COL14A1: variants seen among roughly 807,000 people sequenced by gnomAD.
COL14A1 encodes the protein collagen type XIV alpha 1 chain, also known as collagen alpha-1(XIV) chain.
In COL14A1, 136 loss-of-function variants were observed where a neutral mutation model predicts 230.3. That is an observed-to-expected ratio of 0.59 (90% CI 0.51 to 0.68). The LOEUF (loss-of-function observed/expected upper bound fraction) is 0.68, where lower values mean the gene tolerates loss of function less well. Among genes scored for constraint, COL14A1 ranks in the 30% least tolerant of loss-of-function variants. The pLI is 0.00. For missense variants in COL14A1, 1,976 were observed against 2,215.8 expected, an observed-to-expected ratio of 0.89 and a Z score of 2.17; for synonymous variants, 792 against 784.1, an observed-to-expected ratio of 1.01 and a Z score of -0.17.
In COL14A1 at chr8:120,255,370, A is replaced by G; in HGVS notation, c.2869+14A>G. ...AATCCCTCCAGGGTGAGTACAATCC[A>G]TCACTTACGTTTTTGTCAAGCATTT... On this transcript the variant is annotated intron_variant, in intron 23 of 47. Coordinates refer to ENST00000297848, the MANE Select transcript of COL14A1 (RefSeq NM_021110.4). 1.3e-6 allele frequency: 2 copies of G among 1,572,606 alleles called. No individual in the cohort carries two copies. Among genetic ancestry groups the G allele is most frequent in the African/African-American group, 2.7e-5 (2 of 74,180 alleles).
chr8:120,311,130 T>A (rs1821021602), intron 37 of COL14A1, among the ~76,000 whole-genome samples: 1 of 152,156 alleles, frequency 6.6e-6, no homozygotes, highest in South Asian at 2.1e-4. Context: ...TACTACCCAA[T>A]CCAAAATTCA....
intron 38 of COL14A1, among the ~76,000 whole-genome samples, chr8:120,315,168 G>A (rs1242698226): frequency 2.0e-5 from 3 of 152,070 alleles, no homozygotes; most frequent in African/African-American, 7.2e-5. Context: ...TCAGGAGCTT[G>A]AGACTAGCCT....
intron 26 of COL14A1, among the ~76,000 whole-genome samples, chr8:120,272,119 G>C (rs1354002265): frequency 6.6e-6 from 1 of 151,706 alleles, no homozygotes; most frequent in Non-Finnish European, 1.5e-5. Context: ...TTACAAGACA[G>C]GAGAGATTAG....
chr8:120,169,765 ACTTTT>A (rs1305729024), intron 5 of COL14A1, among the ~76,000 whole-genome samples: 1 of 151,996 alleles, frequency 6.6e-6, no homozygotes, highest in Non-Finnish European at 1.5e-5. Flanking sequence ...ACATTTTCAT[ACTTTT>A]CTTCTAATGA....
intron 1 of COL14A1, among the ~76,000 whole-genome samples, chr8:120,131,522 C>T (rs117404555): frequency 7.2e-5 from 11 of 152,070 alleles, no homozygotes; most frequent in Middle Eastern, 3.4e-3. Context: ...GAGAAATATC[C>T]GCTCATGCCC....
chr8:120,260,487 C>T (rs976104572), intron 23 of COL14A1, among the ~76,000 whole-genome samples: 2 of 152,002 alleles, frequency 1.3e-5, no homozygotes, highest in African/African-American at 2.4e-5. Context: ...TTTGAAGGAG[C>T]GGATAGTTCT....
At chr8:120,166,722 A>G (rs912173867) in intron 4 of COL14A1, among the ~76,000 whole-genome samples, 60 of 152,192 alleles carry the variant, frequency 3.9e-4, no homozygotes, top group African/African-American at 1.3e-3. Flanking sequence ...AAATTACAGG[A>G]GGGTGTAGAG....
At position 120,298,600 on chromosome 8, in the gene COL14A1, TATATATA is replaced by T. The variant is rs1820604159; in HGVS notation, c.4314+1013_4314+1019del. ...GATGTGTGTATACCCATATATTTTA[TATATATA>T]TATATATATATATATATATATATAT... On this transcript the variant is annotated intron_variant, in intron 35 of 47. Coordinates refer to ENST00000297848, the MANE Select transcript of COL14A1 (RefSeq NM_021110.4). 1.3e-4 allele frequency among the ~76,000 whole-genome samples: 5 copies of T among 38,934 alleles called. 1 individual carries two copies. Among genetic ancestry groups the T allele is most frequent in the South Asian group, 7.7e-4 (1 of 1,306 alleles). The allele number at this position is 38,934 out of a possible 152,430, so 25.5% of individuals were successfully genotyped here. A position where few individuals can be genotyped will look rare whatever the true frequency, so the allele number is the denominator to read the frequency against.
intron 34 of COL14A1, among the ~76,000 whole-genome samples, chr8:120,293,551 T>G (rs1047199083): frequency 2.0e-5 from 3 of 151,836 alleles, no homozygotes; most frequent in African/African-American, 7.2e-5. Flanking sequence ...ATAGAGAAAC[T>G]GAGACTTTAA....
At position 120,168,215 on chromosome 8, in the gene COL14A1, G is replaced by C. The variant is rs765893160; in HGVS notation, c.404G>C (p.Arg135Thr). 62 of 1,612,432 alleles carry C rather than the reference G, an allele frequency of 3.8e-5. No individual in the cohort carries two copies. The highest frequency in any genetic ancestry group is 5.3e-5 in the Non-Finnish European group (62 of 1,179,110). ...AAGCCCAGAGTCAAAGTTGTGGACA[G>C]AGGAAATGGGAGTAGACCATCTTCA... is the stretch of plus-strand genomic sequence containing the variant. ...DPKPRVKVVD[R>T]GNGSRPSSPE... is the part of the protein sequence containing the mutation. The change falls in exon 5 of 48, where the codon AGA becomes ACA. Residue 135 changes from arginine (R) to threonine (T), a missense_variant. Physicochemically the swap from Arg to Thr is moderately conservative, Grantham distance 71. This residue lies in a region of COL14A1 where 181 missense variants were observed against 178.6 expected (regional missense o/e 1.01). Transcript: ENST00000297848.
chr8:120,127,859 C>G (rs1408020835), intron 1 of COL14A1, among the ~76,000 whole-genome samples: 1 of 152,144 alleles, frequency 6.6e-6, no homozygotes, highest in South Asian at 2.1e-4. Context: ...AGGACAAGAG[C>G]CTTCCTAGAA....
chr8:120,348,402 C>T (rs550919951), intron 45 of COL14A1, among the ~76,000 whole-genome samples: 35 of 151,452 alleles, frequency 2.3e-4, no homozygotes, highest in African/African-American at 6.5e-4. Context: ...AGATTGGAGA[C>T]GAGCATTCTA....
intron 1 of COL14A1, among the ~76,000 whole-genome samples, chr8:120,145,377 G>C (rs1227762768): frequency 1.3e-5 from 2 of 152,336 alleles, no homozygotes; most frequent in African/African-American, 4.8e-5. Flanking sequence ...CCAGCACTTT[G>C]GGAGGCCAAG....
chr8:120,363,179 C>T (rs1823287102), intron 45 of COL14A1, among the ~76,000 whole-genome samples: 1 of 152,056 alleles, frequency 6.6e-6, no homozygotes, highest in African/African-American at 2.4e-5. Flanking sequence ...TGGAACCAAC[C>T]CAAATGGCCA....
At position 120,244,118 on chromosome 8, in the gene COL14A1, G is replaced by T. The variant is rs1341669299; in HGVS notation, c.2479+110G>T. Reference sequence around the variant, plus strand: ...GTAGATTGCAGTGAAGAAACTAAAAGATTTGGGAACAGGAAATCTGTCTGC... The same window carrying T: ...GTAGATTGCAGTGAAGAAACTAAAATATTTGGGAACAGGAAATCTGTCTGC... On this transcript the variant is annotated intron_variant, in intron 20 of 47. Transcript: ENST00000297848. The T allele has an allele frequency of 6.1e-6, 8 of 1,303,850 alleles. No individual in the cohort carries two copies. In the East Asian group the frequency reaches 7.7e-5, roughly 13 times the overall value. The allele number at this position is 1,303,850 out of a possible 1,614,324, so 80.8% of individuals were successfully genotyped here. A position where few individuals can be genotyped will look rare whatever the true frequency, so the allele number is the denominator to read the frequency against.
intron 23 of COL14A1, among the ~76,000 whole-genome samples, chr8:120,258,217 T>C (rs1819218154): frequency 6.6e-6 from 1 of 152,214 alleles, no homozygotes; most frequent in African/African-American, 2.4e-5. Flanking sequence ...AAAGTCTTGC[T>C]CCTTCTTGTG....
rs923279674 is a variant in COL14A1 at position 120,237,139 on chromosome 8, A to G, written c.2349+5521A>G. On this transcript the variant is annotated intron_variant, in intron 19 of 47. Transcript: ENST00000297848. ...TTTGTGATGTTGTCTGTATTTCCTGAATTTGAATGTTGGCCTGTCTTGCTA... is the reference window on the plus strand; with the variant it reads ...TTTGTGATGTTGTCTGTATTTCCTGGATTTGAATGTTGGCCTGTCTTGCTA... Among the ~76,000 whole-genome samples the G allele has an allele frequency of 2.0e-5, 3 of 152,104 alleles. No individual in the cohort carries two copies. The East Asian group carries it at 5.8e-4, about 29-fold the overall frequency.
intron 5 of COL14A1, among the ~76,000 whole-genome samples, chr8:120,189,311 T>G (rs1816741791): frequency 6.6e-6 from 1 of 152,124 alleles, no homozygotes; most frequent in Non-Finnish European, 1.5e-5. Flanking sequence ...CTAACCTGGA[T>G]TTAGGACACA....
In COL14A1 at chr8:120,168,257, G is replaced by A. The variant is rs1341310627; in HGVS notation, c.436+10G>A. The A allele has an allele frequency of 9.4e-6, 15 of 1,590,682 alleles. No individual in the cohort carries two copies. Among genetic ancestry groups the A allele is most frequent in the East Asian group, 2.2e-5 (1 of 44,704 alleles). On this transcript the variant is annotated intron_variant, in intron 5 of 47. Transcript: ENST00000297848. Reference sequence around the variant, plus strand: ...CCATCTTCACCAGAAGGTCAGAGACGATTTTAATTAACTCATATTGGGAGT... The same window carrying A: ...CCATCTTCACCAGAAGGTCAGAGACAATTTTAATTAACTCATATTGGGAGT...
Sources: gnomAD v4.1 joint callset for allele counts (sites outside exome capture counted in the v4.1 genomes callset) on GRCh38, gnomAD v4.1.1 for gene constraint, gnomAD v4.1.1 regional missense constraint, MANE v1.5 for transcripts, NCBI Gene and HGNC (gene_info 2026-07-23, HGNC 2026-07-21) for gene names.